Variants in ARHGEF4 observed in about 807,000 individuals in gnomAD.
ARHGEF4 encodes APC-stimulated guanine nucleotide exchange factor 1.
ARHGEF4 carries 119 observed loss-of-function variants against 162.0 expected under a neutral mutation model. The observed-to-expected ratio is 0.73, with a 90% CI of 0.63 to 0.86. The LOEUF (loss-of-function observed/expected upper bound fraction) is 0.86, where lower values mean the gene tolerates loss of function less well. Among genes scored for constraint, ARHGEF4 ranks in the 40% least tolerant of loss-of-function variants. ARHGEF4 has a pLI of 0.00. For synonymous variants in ARHGEF4, 1,014 were observed against 979.9 expected (o/e 1.03, Z -0.65); for missense variants, 2,488 against 2,456.0 (o/e 1.01, Z -0.28).
chr2:130,846,343 T>A (rs921935302), intron 1 of ARHGEF4, among the ~76,000 whole-genome samples: 1 of 152,156 alleles, frequency 6.6e-6, no homozygotes, highest in Non-Finnish European at 1.5e-5. Context: ...TCACCTCTTC[T>A]CGGGTGCTGG....
chr2:130,881,479 A>G (rs998520027), intron 1 of ARHGEF4, among the ~76,000 whole-genome samples: 8 of 152,198 alleles, frequency 5.3e-5, no homozygotes, highest in Non-Finnish European at 7.3e-5. Context: ...TCCAGGGCTC[A>G]GTACATAGCT....
At chr2:130,998,071 C>T (rs1687520484) in intron 4 of ARHGEF4, among the ~76,000 whole-genome samples, 5 of 152,184 alleles carry the variant, frequency 3.3e-5, no homozygotes, top group Admixed American at 3.3e-4. Context: ...TCAGAGACCC[C>T]TTCTTTCACC....
At chr2:130,847,792 C>G (rs538768400) in intron 1 of ARHGEF4, among the ~76,000 whole-genome samples, 1 of 152,350 alleles carries the variant, frequency 6.6e-6, no homozygotes, top group East Asian at 1.9e-4. Flanking sequence ...AGGCCTCCAC[C>G]TGGGGGTGAG....
chr2:130,916,518 G>A lies in ARHGEF4; in HGVS notation c.2572G>A (p.Glu858Lys), dbSNP rs973962800. The A allele has an allele frequency of 1.9e-6, 3 of 1,549,194 alleles. No individual in the cohort carries two copies. The highest frequency in any genetic ancestry group is 1.4e-5 in the African/African-American group (1 of 73,044). Residue 858 changes from glutamate to lysine, a missense_variant, in exon 2 of 14, where the codon GAG (glutamate) becomes AAG (lysine). This residue lies in a region of ARHGEF4 where 1,642 missense variants were observed against 1,481.5 expected (regional missense o/e 1.11). Coordinates refer to ENST00000409359, the MANE Select transcript of ARHGEF4 (RefSeq NM_001367493.1). Reference protein sequence around the residue: ...LHHGDASAWPEFVPQAAGDRT... With the variant: ...LHHGDASAWPKFVPQAAGDRT... ...CCACGGGGACGCCAGCGCCTGGCCC[G>A]AGTTTGTCCCGCAGGCTGCAGGCGA... is the stretch of plus-strand genomic sequence containing the variant.
intron 3 of ARHGEF4, among the ~76,000 whole-genome samples, chr2:130,935,315 G>A (rs1181143501): frequency 1.3e-5 from 2 of 152,170 alleles, no homozygotes; most frequent in East Asian, 3.9e-4. Context: ...TGGGATTACA[G>A]GCATGAGCCA....
chr2:131,013,832 A>C (rs6430515), intron 4 of ARHGEF4, among the ~76,000 whole-genome samples: 145,749 of 152,222 alleles, frequency 0.96, 69,964 homozygotes, highest in Non-Finnish European at 0.99. Flanking sequence ...AACTCCTGAG[A>C]TCAAGTGACC....
chr2:130,864,757 A>G (rs1377641203), intron 1 of ARHGEF4, among the ~76,000 whole-genome samples: 1 of 152,246 alleles, frequency 6.6e-6, no homozygotes, highest in Non-Finnish European at 1.5e-5. Flanking sequence ...TACAGCAAGT[A>G]TTAGTACAAA....
At chr2:131,029,940 G>A (rs775731704) in intron 5 of ARHGEF4, among the ~76,000 whole-genome samples, 1 of 152,360 alleles carries the variant, frequency 6.6e-6, no homozygotes, top group Non-Finnish European at 1.5e-5. Flanking sequence ...CCTGTCAGAT[G>A]TGGGGCATGG....
chr2:130,843,638 C>T (rs113323519), intron 1 of ARHGEF4, among the ~76,000 whole-genome samples: 13 of 152,336 alleles, frequency 8.5e-5, no homozygotes, highest in African/African-American at 1.7e-4. Flanking sequence ...GCCTCTGCCC[C>T]GTTGGGCTCT....
At chr2:131,001,461 A>G (rs573843562) in intron 4 of ARHGEF4, among the ~76,000 whole-genome samples, 1 of 152,332 alleles carries the variant, frequency 6.6e-6, no homozygotes, top group African/African-American at 2.4e-5. Flanking sequence ...CTAACTGCCA[A>G]TCGAGAAGCA....
At chr2:130,993,458 T>C (rs1374230112) in intron 4 of ARHGEF4, among the ~76,000 whole-genome samples, 2 of 152,124 alleles carry the variant, frequency 1.3e-5, no homozygotes, top group African/African-American at 4.8e-5. Flanking sequence ...TTTCTTCTTG[T>C]TGGGTGCAGA....
At chr2:131,023,085 A>AAAAAAAAG (rs1477584152) in intron 4 of ARHGEF4, among the ~76,000 whole-genome samples, 1 of 149,990 alleles carries the variant, frequency 6.7e-6, no homozygotes, top group Non-Finnish European at 1.5e-5. Flanking sequence ...AAAAAAAAAA[A>AAAAAAAAG]AAAAAAAAAA....
At chr2:131,021,080 A>G (rs1392759562) in intron 4 of ARHGEF4, among the ~76,000 whole-genome samples, 1 of 152,112 alleles carries the variant, frequency 6.6e-6, no homozygotes, top group Admixed American at 6.6e-5. Flanking sequence ...TAGATTCTGG[A>G]TATTAGCCCT....
chr2:130,907,796 C>T (rs1010340750), intron 1 of ARHGEF4, among the ~76,000 whole-genome samples: 6 of 151,566 alleles, frequency 4.0e-5, no homozygotes, highest in Non-Finnish European at 5.9e-5. Flanking sequence ...CTCTACTAAA[C>T]GTACAAAAAA....
At chr2:131,016,178 A>G (rs1199312548) in intron 4 of ARHGEF4, among the ~76,000 whole-genome samples, 2 of 151,954 alleles carry the variant, frequency 1.3e-5, no homozygotes, top group East Asian at 3.9e-4. Context: ...GACACCTCCC[A>G]ACGTGCCCCA....
In ARHGEF4 at chr2:130,968,274, C is replaced by G. The variant is rs191939966; in HGVS notation, c.3985+21639C>G. 2.1e-3 allele frequency among the ~76,000 whole-genome samples: 325 copies of G among 152,286 alleles called. 1 individual carries two copies. The highest frequency in any genetic ancestry group is 7.5e-3 in the African/African-American group (312 of 41,552). On this transcript the variant is annotated intron_variant, in intron 4 of 13. Coordinates refer to ENST00000409359, the MANE Select transcript of ARHGEF4 (RefSeq NM_001367493.1). ...GGAATTTGTAGTGTTTAAACATCCC[C>G]AAGCCTTAACTGCACAGATGAGGAA...
intron 4 of ARHGEF4, among the ~76,000 whole-genome samples, chr2:130,956,844 G>A: frequency 6.6e-6 from 1 of 150,986 alleles, no homozygotes; most frequent in African/African-American, 2.4e-5. Context: ...GGGAGGGATA[G>A]CATTAGGAGA....
intron 1 of ARHGEF4, among the ~76,000 whole-genome samples, chr2:130,892,663 G>A (rs192527793): frequency 4.6e-5 from 7 of 152,176 alleles, no homozygotes; most frequent in Non-Finnish European, 1.0e-4. Flanking sequence ...ACTACAGCCA[G>A]GGTGGAGCCC....
intron 5 of ARHGEF4, among the ~76,000 whole-genome samples, chr2:131,034,730 GC>G (rs1443671686): frequency 6.6e-6 from 1 of 152,092 alleles, no homozygotes; most frequent in Non-Finnish European, 1.5e-5. Context: ...ATCCCCGAGC[GC>G]CCCCGTGGCC....
Sources: allele counts gnomAD v4.1 joint callset (sites outside exome capture counted in the v4.1 genomes callset), GRCh38; gene constraint gnomAD v4.1.1; regional missense constraint gnomAD v4.1.1; transcripts MANE v1.5; gene names NCBI Gene and HGNC (gene_info 2026-07-23, HGNC 2026-07-21).